ACTL8: variants seen among roughly 807,000 people sequenced by gnomAD.
ACTL8 encodes the protein actin-like protein 8.
A neutral mutation model predicts 9.3 loss-of-function variants in ACTL8; 3 were observed. The ratio of observed to expected loss-of-function variants is 0.32; its 90% CI spans 0.15 to 0.83. The LOEUF is 0.83. ACTL8 is among the 40% of genes least tolerant of loss of function. The pLI is 0.57. For synonymous variants in ACTL8, 224 were observed against 205.9 expected (o/e 1.09, Z -0.75); for missense variants, 381 against 492.2 (o/e 0.77, Z 2.14).
intron 1 of ACTL8, among the ~76,000 whole-genome samples, chr1:17,771,877 G>T (rs1205127292): frequency 1.3e-5 from 2 of 152,172 alleles, no homozygotes; most frequent in African/African-American, 4.8e-5. Context: ...GGAAGAGGGG[G>T]TGTTTTCCTA....
chr1:17,777,496 G>A (rs1053910852), intron 1 of ACTL8, among the ~76,000 whole-genome samples: 5 of 152,142 alleles, frequency 3.3e-5, no homozygotes, highest in African/African-American at 9.7e-5. Context: ...ATCCTTGGCC[G>A]GTGATAGCAG....
intron 1 of ACTL8, among the ~76,000 whole-genome samples, chr1:17,797,648 C>T (rs972713764): frequency 7.2e-5 from 11 of 152,122 alleles, no homozygotes; most frequent in Non-Finnish European, 1.0e-4. Flanking sequence ...AGTGTGCAGT[C>T]GAGAGAATAT....
intron 1 of ACTL8, among the ~76,000 whole-genome samples, chr1:17,766,062 C>T (rs1330115086): frequency 6.6e-6 from 1 of 152,192 alleles, no homozygotes; most frequent in Non-Finnish European, 1.5e-5. Context: ...ATGTGAGAAG[C>T]AATGACACCC....
intron 1 of ACTL8, among the ~76,000 whole-genome samples, chr1:17,757,606 T>G (rs939652277): frequency 4.6e-5 from 7 of 151,978 alleles, no homozygotes; most frequent in African/African-American, 1.7e-4. Flanking sequence ...TTCTCAAGAC[T>G]CATCACAGCC....
intron 1 of ACTL8, among the ~76,000 whole-genome samples, chr1:17,782,151 C>T (rs2066159778): frequency 6.6e-6 from 1 of 152,174 alleles, no homozygotes; most frequent in African/African-American, 2.4e-5. Flanking sequence ...AAGCCCATCC[C>T]TGGGCCTCTG....
intron 1 of ACTL8, among the ~76,000 whole-genome samples, chr1:17,798,504 A>G (rs912098103): frequency 2.0e-5 from 3 of 151,898 alleles, no homozygotes; most frequent in Admixed American, 2.0e-4. Context: ...ATTTTGGGAG[A>G]GGGAGTTGGT....
intron 1 of ACTL8, among the ~76,000 whole-genome samples, chr1:17,768,665 G>T (rs2066063082): frequency 6.6e-6 from 1 of 152,180 alleles, no homozygotes; most frequent in Admixed American, 6.5e-5. Flanking sequence ...CAGTGATCCG[G>T]CTGGGCCTCT....
At chr1:17,797,452 G>A (rs184886931) in intron 1 of ACTL8, among the ~76,000 whole-genome samples, 72 of 152,334 alleles carry the variant, frequency 4.7e-4, no homozygotes, top group African/African-American at 1.6e-3. Flanking sequence ...CTGCAGACAA[G>A]AATGTTCCCA....
chr1:17,814,244 C>G (rs2066410356), intron 1 of ACTL8, among the ~76,000 whole-genome samples: 1 of 152,194 alleles, frequency 6.6e-6, no homozygotes, highest in African/African-American at 2.4e-5. Flanking sequence ...TGCCTGTATT[C>G]CTGGCCCTTT....
chr1:17,812,591 T>C (rs2066400843), intron 1 of ACTL8, among the ~76,000 whole-genome samples: 1 of 126,874 alleles, frequency 7.9e-6, no homozygotes, highest in Non-Finnish European at 1.7e-5. Context: ...CACCACGCCC[T>C]GTCAATTTTT....
intron 1 of ACTL8, among the ~76,000 whole-genome samples, chr1:17,761,134 AT>A (rs935834059): frequency 5.2e-3 from 689 of 131,370 alleles, no homozygotes; most frequent in African/African-American, 0.012. Flanking sequence ...TTGCGGCTTA[AT>A]TTTTTTTTTT....
intron 1 of ACTL8, among the ~76,000 whole-genome samples, chr1:17,755,950 G>A (rs2065966700): frequency 6.6e-6 from 1 of 152,016 alleles, no homozygotes; most frequent in Admixed American, 6.5e-5. Context: ...CTGGGGTGGG[G>A]GGCTGTTCCT....
intron 1 of ACTL8, among the ~76,000 whole-genome samples, chr1:17,769,633 A>C (rs1384312373): frequency 6.6e-6 from 1 of 152,152 alleles, no homozygotes; most frequent in Non-Finnish European, 1.5e-5. Context: ...ACATGCCTGC[A>C]GGGGCCCTCC....
At chr1:17,772,009 A>G (rs1272169720) in intron 1 of ACTL8, among the ~76,000 whole-genome samples, 2 of 152,184 alleles carry the variant, frequency 1.3e-5, no homozygotes, top group Non-Finnish European at 2.9e-5. Context: ...AGAGACAGAA[A>G]GCAGGAGAAC....
At chr1:17,779,710 T>C (rs1194152191) in intron 1 of ACTL8, among the ~76,000 whole-genome samples, 1 of 152,178 alleles carries the variant, frequency 6.6e-6, no homozygotes, top group Non-Finnish European at 1.5e-5. Context: ...TGTTTACCGC[T>C]AAAGGGGACA....
At chr1:17,765,695 A>C (rs1287452308) in intron 1 of ACTL8, among the ~76,000 whole-genome samples, 1 of 152,006 alleles carries the variant, frequency 6.6e-6, no homozygotes, top group Non-Finnish European at 1.5e-5. Flanking sequence ...TGTCTGATTC[A>C]CTCACTTATT....
intron 1 of ACTL8, among the ~76,000 whole-genome samples, chr1:17,781,262 A>T (rs2066152992): frequency 6.9e-6 from 1 of 144,374 alleles, no homozygotes; most frequent in African/African-American, 2.6e-5. Flanking sequence ...TTTAATGGAG[A>T]CAGAGTCTCA....
chr1:17,762,832 C>G (rs1360859488), intron 1 of ACTL8, among the ~76,000 whole-genome samples: 1 of 152,114 alleles, frequency 6.6e-6, no homozygotes, highest in Non-Finnish European at 1.5e-5. Context: ...TGGAGGGGCT[C>G]CCACCTCTGG....
chr1:17,784,871 CA>C, intron 1 of ACTL8, among the ~76,000 whole-genome samples: 1 of 152,224 alleles, frequency 6.6e-6, no homozygotes, highest in Admixed American at 6.5e-5. Flanking sequence ...TGGCAAGTTA[CA>C]AAAGAAAGAA....
Sources: gnomAD v4.1 joint callset for allele counts (sites outside exome capture counted in the v4.1 genomes callset) on GRCh38, gnomAD v4.1.1 for gene constraint, MANE v1.5 for transcripts, NCBI Gene and HGNC (gene_info 2026-07-23, HGNC 2026-07-21) for gene names.